Variants in PFKFB2 observed in about 807,000 individuals in gnomAD.
PFKFB2 encodes 6-phosphofructo-2-kinase/fructose-2,6-bisphosphatase 2.
Under a neutral mutation model 68.0 loss-of-function variants are expected in PFKFB2, and 53 were observed. That is an observed-to-expected ratio of 0.78 (90% CI 0.63 to 0.98). PFKFB2 has a LOEUF of 0.98. PFKFB2 is among the 50% of genes least tolerant of loss of function. The pLI, the probability that PFKFB2 is intolerant of heterozygous loss-of-function variation, is 0.00. For missense variants in PFKFB2, 451 were observed against 642.0 expected (o/e 0.70, Z 3.22); for synonymous variants, 222 against 227.6 (o/e 0.98, Z 0.22).
chr1:207,071,597 A>G, intron 14 of PFKFB2, 24 bp downstream of exon 14: 1 of 1,581,578 alleles, frequency 6.3e-7, no homozygotes. Flanking sequence ...CACGATGAAC[A>G]CACCAGTTTC....
chr1:207,037,984 C>T (rs1041561774), intron 1 of PFKFB2, among the ~76,000 whole-genome samples: 6 of 152,170 alleles, frequency 3.9e-5, no homozygotes, highest in Non-Finnish European at 8.8e-5. Flanking sequence ...TGCTCACCGT[C>T]ATCACTTCCA....
intron 2 of PFKFB2, among the ~76,000 whole-genome samples, chr1:207,060,114 TCTC>T (rs1345430453): frequency 6.6e-6 from 1 of 152,016 alleles, no homozygotes; most frequent in African/African-American, 2.4e-5. Flanking sequence ...TTCTCCCACC[TCTC>T]CTCTGCAGCA....
chr1:207,042,575 A>AAAAAAAAAAAAAAAAAAAAC (rs1450494574), intron 2 of PFKFB2, among the ~76,000 whole-genome samples: 1 of 144,070 alleles, frequency 6.9e-6, no homozygotes, highest in Non-Finnish European at 1.5e-5. Flanking sequence ...AAAAAAAAAA[A>AAAAAAAAAAAAAAAAAAAAC]AAAAAAGACT....
Position 207,070,218 on chromosome 1 carries a change from C to T in PFKFB2, c.1093-62C>T, listed in dbSNP as rs919749254. Reference sequence around the variant, plus strand: ...TGGCCCTTAGTCTCCAAGGTCCAGCCACTGACTTGGCTGCCAGCTTGCACC... The same window carrying T: ...TGGCCCTTAGTCTCCAAGGTCCAGCTACTGACTTGGCTGCCAGCTTGCACC... On this transcript the variant is annotated intron_variant, in intron 11 of 14. Transcript: ENST00000367080. This position sits in a 1 kb window ranked among gnomAD's most constrained non-coding sequence, Gnocchi z 4.2. 9 of 1,601,626 alleles carry T rather than the reference C, an allele frequency of 5.6e-6. No individual in the cohort carries two copies. The African/African-American group carries it at 1.2e-4, about 22-fold the overall frequency.
At chr1:207,035,394 C>T (rs1008934407) in intron 1 of PFKFB2, among the ~76,000 whole-genome samples, 7 of 152,166 alleles carry the variant, frequency 4.6e-5, no homozygotes, top group Admixed American at 2.6e-4. Flanking sequence ...TGGCTCATGC[C>T]TGTAATTCCA....
In PFKFB2 at chr1:207,075,799, G is replaced by A; in HGVS notation, c.*3428G>A. The A allele has an allele frequency of 5.1e-6, 5 of 984,790 alleles. No individual in the cohort carries two copies. The highest frequency in any genetic ancestry group is 6.0e-6 in the Non-Finnish European group (5 of 829,348). The allele number at this position is 984,790 out of a possible 1,614,324, so 61.0% of individuals were successfully genotyped here. ...AAAGTGGGGAAAGGGAAATTATTCT[G>A]TTTTCTTATTCTTGCTTCAAGACTA... is the stretch of plus-strand genomic sequence containing the variant. On this transcript the variant is annotated 3_prime_UTR_variant, in exon 15 of 15. Transcript: ENST00000367080.
chr1:207,062,657 G>A lies in PFKFB2; in HGVS notation c.249G>A (p.Lys83=), dbSNP rs1297582600. The change falls in exon 4 of 15, where the codon AAG becomes AAA. Residue 83 remains lysine (K), a synonymous_variant. Transcript: ENST00000367080. The part of the protein sequence containing the change: ...NLGVYRREAV[K]SYKSYDFFRH... ...GGGTGTATCGGCGTGAAGCAGTCAAGTCCTATAAGTCCTACGACTTCTTTC... is the reference window on the plus strand; with the variant it reads ...GGGTGTATCGGCGTGAAGCAGTCAAATCCTATAAGTCCTACGACTTCTTTC... The A allele has an allele frequency of 6.2e-7, 1 of 1,614,164 alleles. No homozygotes were observed. The highest frequency in any genetic ancestry group is 8.5e-7 in the Non-Finnish European group (1 of 1,180,014).
chr1:207,068,125 T>TGTGTGTG (rs773336423), intron 9 of PFKFB2, 38 bp from the exon 10 acceptor site: 4 of 1,573,756 alleles, frequency 2.5e-6, no homozygotes, highest in South Asian at 2.3e-5. Context: ...TGTCTGTGTG[T>TGTGTGTG]TTTCTTTTTA....
intron 3 of PFKFB2, 145 bp from the exon 4 acceptor site, chr1:207,062,475 C>A: frequency 1.6e-6 from 2 of 1,289,154 alleles, no homozygotes; most frequent in Middle Eastern, 1.9e-4. Context: ...ACTCTTTTGA[C>A]TCTTAATCTG....
chr1:207,076,911 G>A lies in PFKFB2; in HGVS notation c.*4540G>A. ...TGTATGTACATTATGGTAATTCTCTGTCTATTAAATGTGTCTAACAAAGGA... is the reference window on the plus strand; with the variant it reads ...TGTATGTACATTATGGTAATTCTCTATCTATTAAATGTGTCTAACAAAGGA... On this transcript the variant is annotated 3_prime_UTR_variant, in exon 15 of 15. Transcript: ENST00000367080. 4.1e-6 allele frequency: 4 copies of A among 983,650 alleles called. No individual in the cohort carries two copies. Among genetic ancestry groups the A allele is most frequent in the Non-Finnish European group, 4.8e-6 (4 of 828,408 alleles). 60.9% of individuals were successfully genotyped at this position (983,650 alleles called of 1,614,324 possible).
Position 207,075,314 on chromosome 1 carries a change from G to A in PFKFB2, c.*2943G>A. 1.0e-6 allele frequency: 1 copy of A among 985,448 alleles called. No individual in the cohort carries two copies. Among genetic ancestry groups the A allele is most frequent in the Non-Finnish European group, 1.2e-6 (1 of 829,940 alleles). The allele number at this position is 985,448 out of a possible 1,614,324, so 61.0% of individuals were successfully genotyped here. ...GGTCTTATCCTCAGATAGGACATGA[G>A]AAATTGGAATTTGGCAAGCAAGGGC... On this transcript the variant is annotated 3_prime_UTR_variant, in exon 15 of 15. Coordinates refer to ENST00000367080, the MANE Select transcript of PFKFB2 (RefSeq NM_006212.2).
Position 207,072,475 on chromosome 1 carries a change from C to T in PFKFB2, c.*104C>T. The stretch of plus-strand genomic sequence containing the variant: ...CACCAAGGAGTCATTAACTTCCTCC[C>T]TCTATGCCCACCCCTGACACTTCAC... On this transcript the variant is annotated 3_prime_UTR_variant, in exon 15 of 15. Transcript: ENST00000367080. The T allele has an allele frequency of 6.7e-7, 1 of 1,499,560 alleles. No homozygotes were observed. The highest frequency in any genetic ancestry group is 8.9e-7 in the Non-Finnish European group (1 of 1,127,074). The allele number at this position is 1,499,560 out of a possible 1,614,324, so 92.9% of individuals were successfully genotyped here.
In PFKFB2 at chr1:207,074,565, G is replaced by A. The variant is rs1683570981; in HGVS notation, c.*2194G>A. ...CGTATGTCCCAAGTAGGATACCATA[G>A]GCAGCTTCTAAAGGCTGCTTACCTA... On this transcript the variant is annotated 3_prime_UTR_variant, in exon 15 of 15. Coordinates refer to ENST00000367080, the MANE Select transcript of PFKFB2 (RefSeq NM_006212.2). 2.0e-6 allele frequency: 2 copies of A among 985,186 alleles called. No individual in the cohort carries two copies. Among genetic ancestry groups the A allele is most frequent in the Non-Finnish European group, 2.4e-6 (2 of 829,914 alleles). 61.0% of individuals were successfully genotyped at this position (985,186 alleles called of 1,614,324 possible).
chr1:207,051,135 C>T (rs922216925), upstream of PFKFB2: 8 of 1,421,062 alleles, frequency 5.6e-6, no homozygotes, highest in African/African-American at 1.0e-4. Context: ...CTGATTTTTC[C>T]CCCACCCTCA....
At chr1:207,072,146 T>C in intron 14 of PFKFB2, 58 bp from the exon 15 acceptor site, 1 of 1,594,106 alleles carries the variant, frequency 6.3e-7, no homozygotes, top group Non-Finnish European at 8.5e-7. Flanking sequence ...TATTAACCTG[T>C]ATGAGTGAGC....
intron 2 of PFKFB2, among the ~76,000 whole-genome samples, chr1:207,055,640 G>A (rs1682895673): frequency 8.9e-6 from 1 of 112,794 alleles, no homozygotes. Flanking sequence ...CACTTCAGTG[G>A]TTATATATAT....
At position 207,070,599 on chromosome 1, in the gene PFKFB2, G is replaced by C; in HGVS notation, c.1222+190G>C. The C allele has an allele frequency of 5.2e-6, 3 of 576,870 alleles. No individual in the cohort carries two copies. Among genetic ancestry groups the C allele is most frequent in the South Asian group, 4.0e-5 (2 of 50,316 alleles). The allele number at this position is 576,870 out of a possible 1,614,324, so 35.7% of individuals were successfully genotyped here. A position where few individuals can be genotyped will look rare whatever the true frequency, so the allele number is the denominator to read the frequency against. ...CTGAGTTCACTCTGCTGCTACGAAAGCTTCCAATGGAGAGTGGCTGCTGCT... is the reference window on the plus strand; with the variant it reads ...CTGAGTTCACTCTGCTGCTACGAAACCTTCCAATGGAGAGTGGCTGCTGCT... On this transcript the variant is annotated intron_variant, in intron 12 of 14. Transcript: ENST00000367080. The surrounding 1 kb of genome is among the most constrained non-coding windows in gnomAD (Gnocchi z 4.2).
rs979261408 is a variant in PFKFB2 at position 207,074,926 on chromosome 1, T to C, written c.*2555T>C. 1.1e-5 allele frequency: 11 copies of C among 983,750 alleles called. No individual in the cohort carries two copies. The South Asian group carries it at 4.7e-4, about 42-fold the overall frequency. The allele number at this position is 983,750 out of a possible 1,614,324, so 60.9% of individuals were successfully genotyped here. The stretch of plus-strand genomic sequence containing the variant: ...GGGGATGCCCCCACCACCACCAGTG[T>C]GAGAATGAGATATGGTTGGGGAGGC... On this transcript the variant is annotated 3_prime_UTR_variant, in exon 15 of 15. Transcript: ENST00000367080.
At chr1:207,035,069 T>A (rs1682350802) in intron 1 of PFKFB2, 1 of 732,894 alleles carries the variant, frequency 1.4e-6, no homozygotes, top group Non-Finnish European at 1.7e-6. Flanking sequence ...ATATAGGTCA[T>A]CATTTGAGGG....
Sources: allele counts gnomAD v4.1 joint callset (sites outside exome capture counted in the v4.1 genomes callset), GRCh38; gene constraint gnomAD v4.1.1; non-coding constraint Gnocchi (gnomAD v3.1); transcripts MANE v1.5; gene names NCBI Gene and HGNC (gene_info 2026-07-23, HGNC 2026-07-21).